Variants in ZCCHC7 observed in about 807,000 individuals in gnomAD.
The protein encoded by ZCCHC7 is zinc finger CCHC-type containing 7.
ZCCHC7 carries 35 observed loss-of-function variants against 52.0 expected under a neutral mutation model. The ratio of observed to expected loss-of-function variants is 0.67; its 90% confidence interval spans 0.51 to 0.89. ZCCHC7 has a LOEUF of 0.89. Ranked by LOEUF, ZCCHC7 falls within the 40% of genes least tolerant of loss-of-function variation. ZCCHC7 has a pLI of 0.00. For missense variants in ZCCHC7, 574 were observed against 649.1 expected, an observed-to-expected ratio of 0.88 and a Z score of 1.26; for synonymous variants, 217 against 221.5, an observed-to-expected ratio of 0.98 and a Z score of 0.18.
chr9:37,226,187 A>G (rs1193538337), intron 2 of ZCCHC7, among the ~76,000 whole-genome samples: 1 of 152,234 alleles, frequency 6.6e-6, no homozygotes, highest in African/African-American at 2.4e-5. Flanking sequence ...TAAATATGCC[A>G]TTTTCACAGT....
At chr9:37,121,466 TG>T (rs1842313067) in intron 1 of ZCCHC7, 1 of 151,952 alleles carries the variant, frequency 6.6e-6, no homozygotes. Flanking sequence ...CTTGACTTTG[TG>T]GTTTTCTTTT....
At chr9:37,132,935 G>A (rs183319106) in intron 2 of ZCCHC7, among the ~76,000 whole-genome samples, 3 of 152,296 alleles carry the variant, frequency 2.0e-5, no homozygotes, top group Admixed American at 2.0e-4. Context: ...TCTGGAGTTC[G>A]AGACTAGCCT....
chr9:37,287,250 A>G (rs566644304), intron 2 of ZCCHC7, among the ~76,000 whole-genome samples: 2 of 151,028 alleles, frequency 1.3e-5, no homozygotes, highest in East Asian at 3.9e-4. Flanking sequence ...TTCTTTTTGT[A>G]TTATACATAT....
chr9:37,124,920 C>G (rs114023970), intron 1 of ZCCHC7, among the ~76,000 whole-genome samples: 7,708 of 152,186 alleles, frequency 0.051, 632 homozygotes, highest in African/African-American at 0.17. Flanking sequence ...GGCATGATCT[C>G]GACTCACTGC....
chr9:37,173,899 T>G (rs1821875041), intron 2 of ZCCHC7, among the ~76,000 whole-genome samples: 1 of 152,212 alleles, frequency 6.6e-6, no homozygotes, highest in South Asian at 2.1e-4. Context: ...AAACATGATT[T>G]GTGGAATTAT....
intron 2 of ZCCHC7, among the ~76,000 whole-genome samples, chr9:37,229,663 CAGTG>C (rs1337121430): frequency 4.6e-5 from 7 of 152,138 alleles, no homozygotes; most frequent in East Asian, 1.9e-4. Context: ...TCTGGTCAGG[CAGTG>C]AGTAAGTGTT....
chr9:37,353,610 A>T (rs1053897782), intron 7 of ZCCHC7, among the ~76,000 whole-genome samples: 1 of 152,300 alleles, frequency 6.6e-6, no homozygotes, highest in East Asian at 1.9e-4. Flanking sequence ...TGGGGGAAAA[A>T]CAGGCAACTA....
intron 2 of ZCCHC7, among the ~76,000 whole-genome samples, chr9:37,196,789 A>G (rs1823310708): frequency 6.6e-6 from 1 of 152,088 alleles, no homozygotes; most frequent in Non-Finnish European, 1.5e-5. Context: ...TGATTATTTT[A>G]ATGTCGTTTG....
chr9:37,282,535 G>A (rs1828010120), intron 2 of ZCCHC7, among the ~76,000 whole-genome samples: 1 of 149,132 alleles, frequency 6.7e-6, no homozygotes. Flanking sequence ...AACCTGGGAG[G>A]CAGAGCTTGC....
rs1588339163 is a variant in ZCCHC7 at position 37,126,634 on chromosome 9, A to G, written c.302A>G (p.Tyr101Cys). The change falls in exon 2 of 9, where the codon TAT becomes TGT. Residue 101 changes from tyrosine to cysteine, a missense_variant. By Grantham distance (194) the Tyr-to-Cys change is radical. Coordinates refer to ENST00000336755, the MANE Select transcript of ZCCHC7 (RefSeq NM_032226.3). ...ACTTTGTCTGATGAAGACAGTATTTATAGATGTAAAGGAAAGAATGTTAGA... is the reference window on the plus strand; with the variant it reads ...ACTTTGTCTGATGAAGACAGTATTTGTAGATGTAAAGGAAAGAATGTTAGA... ...VITLSDEDSI[Y>C]RCKGKNVRVQ... 6.2e-7 allele frequency: 1 copy of G among 1,614,186 alleles called. No homozygotes were observed. The highest frequency in any genetic ancestry group is 1.1e-5 in the South Asian group (1 of 91,088).
At chr9:37,139,741 A>G (rs745959868) in intron 2 of ZCCHC7, among the ~76,000 whole-genome samples, 1 of 151,984 alleles carries the variant, frequency 6.6e-6, no homozygotes, top group Non-Finnish European at 1.5e-5. Flanking sequence ...CAATTAACTT[A>G]TAACCACCTC....
At chr9:37,164,962 T>G (rs1461975266) in intron 2 of ZCCHC7, among the ~76,000 whole-genome samples, 1 of 152,240 alleles carries the variant, frequency 6.6e-6, no homozygotes, top group African/African-American at 2.4e-5. Flanking sequence ...CCATTGAGAA[T>G]TGACATATTA....
At chr9:37,303,146 C>T (rs765893821) in intron 3 of ZCCHC7, among the ~76,000 whole-genome samples, 19 of 151,914 alleles carry the variant, frequency 1.3e-4, no homozygotes, top group Non-Finnish European at 2.5e-4. Context: ...AGTGGCTGGC[C>T]GGGCGTGGTG....
At chr9:37,163,378 T>TC (rs1391204566) in intron 2 of ZCCHC7, among the ~76,000 whole-genome samples, 1 of 111,952 alleles carries the variant, frequency 8.9e-6, no homozygotes. Context: ...ACAGCAAGAC[T>TC]CCATCTCAAA....
intron 2 of ZCCHC7, among the ~76,000 whole-genome samples, chr9:37,278,526 A>G (rs909767228): frequency 3.9e-5 from 6 of 152,276 alleles, no homozygotes; most frequent in African/African-American, 7.2e-5. Context: ...TTAAGACCTA[A>G]TATGTGTCAT....
At position 37,354,506 on chromosome 9, in the gene ZCCHC7, T is replaced by C. The variant is rs1350465009; in HGVS notation, c.1084-204T>C. Among the ~76,000 whole-genome samples, 1 of 152,090 alleles carries C rather than the reference T, an allele frequency of 6.6e-6. No homozygotes were observed. The highest frequency in any genetic ancestry group is 1.5e-5 in the Non-Finnish European group (1 of 68,008). On this transcript the variant is annotated intron_variant, in intron 7 of 8. Transcript: ENST00000336755. The surrounding 1 kb of genome is among the most constrained non-coding windows in gnomAD (Gnocchi z 4.0). ...AGGTAAAGAAGTAAGGGAAGAAAAC[T>C]CAAGCTTGAAAGAATATCATAACAC...
At chr9:37,314,775 C>T (rs1448721469) in intron 5 of ZCCHC7, among the ~76,000 whole-genome samples, 2 of 146,116 alleles carry the variant, frequency 1.4e-5, no homozygotes, top group Non-Finnish European at 3.0e-5. Flanking sequence ...AAAAAGTATA[C>T]ATTCCAGACA....
At chr9:37,144,750 G>A (rs1033984545) in intron 2 of ZCCHC7, among the ~76,000 whole-genome samples, 1 of 151,854 alleles carries the variant, frequency 6.6e-6, no homozygotes, top group Non-Finnish European at 1.5e-5. Flanking sequence ...TTTGTTGTAA[G>A]GTACAGACTT....
chr9:37,162,696 G>A (rs1821172331), intron 2 of ZCCHC7, among the ~76,000 whole-genome samples: 2 of 152,184 alleles, frequency 1.3e-5, no homozygotes, highest in African/African-American at 4.8e-5. Flanking sequence ...TCTTGGTATG[G>A]ATAGATGCTT....
Sources: allele counts gnomAD v4.1 joint callset (sites outside exome capture counted in the v4.1 genomes callset), GRCh38; gene constraint gnomAD v4.1.1; non-coding constraint Gnocchi (gnomAD v3.1); transcripts MANE v1.5; gene names NCBI Gene and HGNC (gene_info 2026-07-23, HGNC 2026-07-21).